RBM34: variants seen among roughly 807,000 people sequenced by gnomAD.
RBM34 encodes RNA-binding protein 34.
RBM34 carries 39 observed loss-of-function variants against 44.6 expected under a neutral mutation model. That is an observed-to-expected ratio of 0.87 (90% CI 0.68 to 1.14). The LOEUF (loss-of-function observed/expected upper bound fraction) is 1.14, where lower values mean the gene tolerates loss of function less well. RBM34 is among the 50% of genes most tolerant of loss of function. The pLI, the probability that RBM34 is intolerant of heterozygous loss-of-function variation, is 0.00. For missense variants in RBM34, 572 were observed against 517.9 expected, an observed-to-expected ratio of 1.10 and a Z score of -1.01; for synonymous variants, 194 against 184.0, an observed-to-expected ratio of 1.05 and a Z score of -0.44.
intron 6 of RBM34, among the ~76,000 whole-genome samples, chr1:235,147,896 C>T (rs1016351789): frequency 3.3e-5 from 5 of 151,820 alleles, no homozygotes; most frequent in East Asian, 1.9e-4. Flanking sequence ...TATGGAAGGG[C>T]GAACAAGGAG....
At chr1:235,132,501 G>T (rs1472990947) in intron 10 of RBM34, among the ~76,000 whole-genome samples, 2 of 152,098 alleles carry the variant, frequency 1.3e-5, no homozygotes, top group Non-Finnish European at 2.9e-5. Context: ...TAGAGACAGG[G>T]TTTCACCACG....
Position 235,131,744 on chromosome 1 carries a change from C to A in RBM34, c.1262G>T (p.Gly421Val). ...KTKKKGQKKS[G>V]RPKKQRKQK ...CTGTTTTCTCTGTTTCTTAGGGCGTCCACTTTTCTTCTGTCCTTTCTTCTT... is the reference window on the plus strand; with the variant it reads ...CTGTTTTCTCTGTTTCTTAGGGCGTACACTTTTCTTCTGTCCTTTCTTCTT... Residue 421 changes from glycine to valine, a missense_variant, in exon 11 of 11, where the codon GGA becomes GTA. Coordinates refer to ENST00000408888, the MANE Select transcript of RBM34 (RefSeq NM_015014.4). 1 of 1,602,586 alleles carries A rather than the reference C, an allele frequency of 6.2e-7. No individual in the cohort carries two copies. Among genetic ancestry groups the A allele is most frequent in the African/African-American group, 1.4e-5 (1 of 74,038 alleles).
At chr1:235,150,113 C>T (rs1662096654) in intron 5 of RBM34, among the ~76,000 whole-genome samples, 1 of 152,204 alleles carries the variant, frequency 6.6e-6, no homozygotes, top group South Asian at 2.1e-4. Context: ...CTCGCTTTGT[C>T]GCCCAGGCTG....
At chr1:235,135,351 C>T (rs1661380370) in intron 10 of RBM34, among the ~76,000 whole-genome samples, 1 of 152,084 alleles carries the variant, frequency 6.6e-6, no homozygotes, top group Admixed American at 6.6e-5. Flanking sequence ...GCCTCAGCCT[C>T]CTGAGTAGCT....
intron 5 of RBM34, among the ~76,000 whole-genome samples, chr1:235,150,696 T>C (rs1303012696): frequency 6.7e-6 from 1 of 149,318 alleles, no homozygotes; most frequent in Non-Finnish European, 1.5e-5. Context: ...ATTAACACAA[T>C]GTACAGGTGC....
rs556120455 is a variant in RBM34, at chr1:235,149,250, G to T, written c.658-803C>A. On this transcript the variant is annotated intron_variant, in intron 5 of 10. Coordinates refer to ENST00000408888, the MANE Select transcript of RBM34 (RefSeq NM_015014.4). ...AGAAATACAAAAAAATTAGCCAGAC[G>T]TGGTGGCGGGCGCCTGTAGTCCCAG... 1.7e-4 allele frequency among the ~76,000 whole-genome samples: 26 copies of T among 151,930 alleles called. No homozygotes were observed. In the South Asian group the frequency reaches 4.8e-3, roughly 28 times the overall value.
chr1:235,155,862 T>TATAC (rs1553275374), intron 3 of RBM34, among the ~76,000 whole-genome samples: 42 of 39,940 alleles, frequency 1.1e-3, no homozygotes, highest in African/African-American at 5.1e-3. Context: ...TATATATATA[T>TATAC]ATATACATAT....
At chr1:235,159,245 G>T (rs368114458) in intron 3 of RBM34, among the ~76,000 whole-genome samples, 10 of 150,738 alleles carry the variant, frequency 6.6e-5, no homozygotes, top group Admixed American at 4.6e-4. Flanking sequence ...TGAGGGAAAT[G>T]AATAAATTTA....
Position 235,152,697 on chromosome 1 carries a change from G to A in RBM34, c.657+9C>T, listed in dbSNP as rs1417794802. The A allele has an allele frequency of 1.9e-6, 3 of 1,596,312 alleles. No individual in the cohort carries two copies. In the African/African-American group the frequency reaches 4.1e-5, roughly 22 times the overall value. On this transcript the variant is annotated intron_variant, in intron 5 of 10. Transcript: ENST00000408888. ...ATATTATGTAATTTTACGGGGGAAT[G>A]AAACATACCAGAGAACGAAATCGTA...
Position 235,160,590 on chromosome 1 carries a change from T to A in RBM34, c.286A>T (p.Arg96Ter), listed in dbSNP as rs781538865. Residue 96 changes from arginine to a stop codon, truncating the protein, a stop_gained, in exon 3 of 11, where the codon AGA (arginine) becomes TGA (stop). Coordinates refer to ENST00000408888, the MANE Select transcript of RBM34 (RefSeq NM_015014.4). LOFTEE classifies it high-confidence loss of function. ...TTGGCAGGTTCTTGCGAAAGTGGTC[T>A]TTCAATCTGGGATGTACTTTCTTCC... ...EEEESTSQIERPLSQEPAKKV... is the reference protein window; with the variant it reads ...EEEESTSQIE 2 of 1,614,108 alleles carry A rather than the reference T, an allele frequency of 1.2e-6. No homozygotes were observed. Among genetic ancestry groups the A allele is most frequent in the South Asian group, 2.2e-5 (2 of 91,032 alleles).
intron 6 of RBM34, among the ~76,000 whole-genome samples, chr1:235,140,314 C>T (rs1195526649): frequency 1.3e-5 from 2 of 152,196 alleles, no homozygotes; most frequent in Non-Finnish European, 2.9e-5. Flanking sequence ...ACCAGGGCTG[C>T]GCGGCGCTTG....
chr1:235,134,571 G>A (rs1404903681), intron 10 of RBM34, among the ~76,000 whole-genome samples: 2 of 152,096 alleles, frequency 1.3e-5, no homozygotes, highest in African/African-American at 4.8e-5. Context: ...ATACCTTAAT[G>A]TCAATTATTT....
intron 1 of RBM34, 23 bp downstream of exon 1, chr1:235,161,151 T>C: frequency 8.8e-6 from 14 of 1,599,896 alleles, no homozygotes; most frequent in Non-Finnish European, 1.2e-5. Context: ...CCTCCCCAGG[T>C]ACTCGTGCCG....
In RBM34 at chr1:235,149,199, T is replaced by A. The variant is rs565899081; in HGVS notation, c.658-752A>T. 1.5e-4 allele frequency among the ~76,000 whole-genome samples: 23 copies of A among 151,680 alleles called. No homozygotes were observed. The East Asian group carries it at 2.4e-3, about 16-fold the overall frequency. ...GTCAGGAGGTTGAGACCATCCTGGCTAACACGGTGAAACCCCATCTCTACT... is the reference window on the plus strand; with the variant it reads ...GTCAGGAGGTTGAGACCATCCTGGCAAACACGGTGAAACCCCATCTCTACT... On this transcript the variant is annotated intron_variant, in intron 5 of 10. Coordinates refer to ENST00000408888, the MANE Select transcript of RBM34 (RefSeq NM_015014.4).
intron 5 of RBM34, 137 bp downstream of exon 5, chr1:235,152,569 C>A: frequency 7.0e-7 from 1 of 1,424,032 alleles, no homozygotes; most frequent in East Asian, 2.7e-5. Context: ...AAGAGCAACT[C>A]TTTTCTTGGG....
chr1:235,149,271 C>T (rs910322918), intron 5 of RBM34, among the ~76,000 whole-genome samples: 2 of 151,646 alleles, frequency 1.3e-5, no homozygotes, highest in Non-Finnish European at 2.9e-5. Flanking sequence ...CGCCTGTAGT[C>T]CCAGCTACTC....
In RBM34 at chr1:235,152,338, C is replaced by T. The variant is rs373728624; in HGVS notation, c.657+368G>A. 8.6e-4 allele frequency: 260 copies of T among 303,988 alleles called. 2 individuals carry two copies. Among genetic ancestry groups the T allele is most frequent in the African/African-American group, 5.7e-3 (254 of 44,392 alleles). 18.8% of individuals were successfully genotyped at this position (303,988 alleles called of 1,614,324 possible). A position where few individuals can be genotyped will look rare whatever the true frequency, so the allele number is the denominator to read the frequency against. On this transcript the variant is annotated intron_variant, in intron 5 of 10. Transcript: ENST00000408888. ...CAAAGACTGTTTGCAGCAATCATAC[C>T]CACCTCCCATACTAATGTGTATGAT...
chr1:235,155,870 T>TAC (rs1662418821), intron 3 of RBM34, among the ~76,000 whole-genome samples: 4 of 36,588 alleles, frequency 1.1e-4, no homozygotes, highest in African/African-American at 3.4e-4. Flanking sequence ...TATATATACA[T>TAC]ATATACTTTT....
chr1:235,153,105 G>C (rs993331286), intron 4 of RBM34, among the ~76,000 whole-genome samples: 11 of 152,032 alleles, frequency 7.2e-5, no homozygotes, highest in African/African-American at 2.4e-4. Flanking sequence ...CCTGACCTCA[G>C]GTGATGCAAC....
Sources: allele counts gnomAD v4.1 joint callset (sites outside exome capture counted in the v4.1 genomes callset), GRCh38; gene constraint gnomAD v4.1.1; transcripts MANE v1.5; gene names NCBI Gene and HGNC (gene_info 2026-07-23, HGNC 2026-07-21).